The following MANBA variants were observed in gnomAD, a reference collection of about 807,000 sequenced individuals.
The protein encoded by MANBA is beta-mannosidase.
Under a neutral mutation model 111.1 loss-of-function variants are expected in MANBA, and 83 were observed. The observed-to-expected ratio is 0.75, with a 90% CI of 0.63 to 0.90. MANBA has a LOEUF of 0.90. Among genes scored for constraint, MANBA ranks in the 40% least tolerant of loss-of-function variants. The pLI, the probability that MANBA is intolerant of heterozygous loss-of-function variation, is 0.00. For missense variants in MANBA, 1,036 were observed against 1,069.0 expected (o/e 0.97, Z 0.43); for synonymous variants, 370 against 378.7 (o/e 0.98, Z 0.27).
chr4:102,716,047 C>T (rs542054502), intron 4 of MANBA, among the ~76,000 whole-genome samples: 120 of 152,016 alleles, frequency 7.9e-4, no homozygotes, highest in Admixed American at 1.2e-3. Context: ...CAGTGGCTCA[C>T]GCATGTAATA....
At chr4:102,639,315 C>T (rs1376502690) in intron 14 of MANBA, among the ~76,000 whole-genome samples, 2 of 152,260 alleles carry the variant, frequency 1.3e-5, no homozygotes, top group East Asian at 3.9e-4. Context: ...CATAAGCGGG[C>T]CAAACTTCTA....
intron 5 of MANBA, among the ~76,000 whole-genome samples, chr4:102,709,927 C>G (rs1481674505): frequency 6.6e-6 from 1 of 152,086 alleles, no homozygotes; most frequent in Admixed American, 6.6e-5. Context: ...ATCATCTCAA[C>G]AGATGCAGAA....
rs796107133 is a variant in MANBA at position 102,639,936 on chromosome 4, G to A, written c.1870-79C>T. 8.5e-6 allele frequency: 13 copies of A among 1,532,026 alleles called. No homozygotes were observed. The South Asian group carries it at 1.3e-4, about 16-fold the overall frequency. 94.9% of individuals were successfully genotyped at this position (1,532,026 alleles called of 1,614,324 possible). On this transcript the variant is annotated intron_variant, in intron 13 of 16. Coordinates refer to ENST00000647097, the MANE Select transcript of MANBA (RefSeq NM_005908.4). ...AGATCTGAGAAAAATACAGGGTTTAGTTTTGTTTTGGGTTTTTTCTTTTTG... is the reference window on the plus strand; with the variant it reads ...AGATCTGAGAAAAATACAGGGTTTAATTTTGTTTTGGGTTTTTTCTTTTTG...
chr4:102,729,568 TC>T, intron 1 of MANBA: 1 of 872,202 alleles, frequency 1.1e-6, no homozygotes, highest in South Asian at 1.3e-5. Flanking sequence ...CATGTAACCT[TC>T]ATCCACATCC....
At chr4:102,701,691 A>G (rs1224352286) in intron 5 of MANBA, among the ~76,000 whole-genome samples, 3 of 151,496 alleles carry the variant, frequency 2.0e-5, no homozygotes, top group African/African-American at 7.3e-5. Flanking sequence ...ATTGGCCCCC[A>G]CTCTCTTCTG....
At chr4:102,742,644 C>T (rs938524514) in intron 1 of MANBA, among the ~76,000 whole-genome samples, 1 of 152,104 alleles carries the variant, frequency 6.6e-6, no homozygotes, top group Admixed American at 6.5e-5. Context: ...AAAGTGAGGG[C>T]CTTGGTCAGA....
intron 12 of MANBA, among the ~76,000 whole-genome samples, chr4:102,656,540 T>C (rs1730564770): frequency 6.6e-6 from 1 of 152,322 alleles, no homozygotes. Flanking sequence ...ATGTTAAAGA[T>C]AGAGCTACCA....
At chr4:102,652,255 A>C (rs1261820036) in intron 12 of MANBA, among the ~76,000 whole-genome samples, 1 of 152,182 alleles carries the variant, frequency 6.6e-6, no homozygotes, top group African/African-American at 2.4e-5. Context: ...CCTCCCTGGC[A>C]ACCCTTCCAC....
chr4:102,664,630 G>A (rs1560758151), intron 11 of MANBA, 55 bp downstream of exon 11: 18 of 1,505,938 alleles, frequency 1.2e-5, no homozygotes, highest in African/African-American at 4.1e-5. Context: ...GAGCCACCAC[G>A]CCCAGCCCTA....
At chr4:102,727,505 C>T in intron 1 of MANBA, 1 of 1,550,506 alleles carries the variant, frequency 6.4e-7, no homozygotes, top group East Asian at 2.3e-5. Flanking sequence ...CTTCTCACAT[C>T]ATTATTGGGG....
At chr4:102,681,807 T>G (rs1213973863) in intron 7 of MANBA, among the ~76,000 whole-genome samples, 1 of 152,176 alleles carries the variant, frequency 6.6e-6, no homozygotes, top group Non-Finnish European at 1.5e-5. Flanking sequence ...TCAAAATGAC[T>G]GTATGAAGCT....
intron 7 of MANBA, among the ~76,000 whole-genome samples, chr4:102,676,185 CT>C (rs1731719278): frequency 6.6e-6 from 1 of 152,018 alleles, no homozygotes. Flanking sequence ...AATAACTTAC[CT>C]TTTTGTGCGT....
At chr4:102,752,254 A>G in intron 1 of MANBA, 2 of 1,160,596 alleles carry the variant, frequency 1.7e-6, no homozygotes, top group Non-Finnish European at 2.6e-6. Flanking sequence ...GTCTGAAGGC[A>G]AGCTTTGACA....
chr4:102,743,622 C>T (rs1425071481), intron 1 of MANBA, among the ~76,000 whole-genome samples: 1 of 152,144 alleles, frequency 6.6e-6, no homozygotes, highest in African/African-American at 2.4e-5. Flanking sequence ...CCTCATGTAA[C>T]TTAACTGTGC....
At chr4:102,645,231 C>T (rs933570299) in intron 13 of MANBA, among the ~76,000 whole-genome samples, 1 of 151,870 alleles carries the variant, frequency 6.6e-6, no homozygotes, top group Non-Finnish European at 1.5e-5. Context: ...GCTATATAAT[C>T]CTTTGTATAT....
intron 1 of MANBA, among the ~76,000 whole-genome samples, chr4:102,733,868 C>T (rs898167213): frequency 7.2e-5 from 11 of 152,144 alleles, no homozygotes; most frequent in African/African-American, 2.2e-4. Context: ...TCTTTAACTA[C>T]ATTTGTTGTA....
rs114897852 is a variant in MANBA at position 102,724,029 on chromosome 4, T to C, written c.273-62A>G. 1.7e-3 allele frequency: 1,525 copies of C among 885,732 alleles called. 15 individuals are homozygous for C. In the African/African-American group the frequency reaches 0.023, roughly 13 times the overall value. The allele number at this position is 885,732 out of a possible 1,614,324, so 54.9% of individuals were successfully genotyped here. ...AAAGCATTAACTTAGATAAGTCTCT[T>C]TTTTATTATTTAAGGCCTAAAGAAA... is the stretch of plus-strand genomic sequence containing the variant. On this transcript the variant is annotated intron_variant, in intron 2 of 16. Transcript: ENST00000647097.
chr4:102,759,947 G>A (rs1445030364), intron 1 of MANBA, among the ~76,000 whole-genome samples: 1 of 152,122 alleles, frequency 6.6e-6, no homozygotes, highest in Non-Finnish European at 1.5e-5. Context: ...CCCAAGTAAA[G>A]ACAACACGTG....
intron 7 of MANBA, chr4:102,682,668 A>G (rs1578898650): frequency 6.6e-6 from 1 of 152,214 alleles, no homozygotes; most frequent in East Asian, 1.9e-4. Context: ...GCCCTAACCC[A>G]ATGGCTGGTG....
Sources: gnomAD v4.1 joint callset for allele counts (sites outside exome capture counted in the v4.1 genomes callset) on GRCh38, gnomAD v4.1.1 for gene constraint, MANE v1.5 for transcripts, NCBI Gene and HGNC (gene_info 2026-07-23, HGNC 2026-07-21) for gene names.